The following RGS6 variants were observed in gnomAD, a reference collection of about 807,000 sequenced individuals.
The protein encoded by RGS6 is regulator of G protein signaling 6, also known as regulator of G-protein signaling 6.
A neutral mutation model predicts 78.5 loss-of-function variants in RGS6; 30 were observed. The ratio of observed to expected loss-of-function variants is 0.38; its 90% CI spans 0.29 to 0.52. The LOEUF (loss-of-function observed/expected upper bound fraction) is 0.52. Among genes scored for constraint, RGS6 ranks in the 20% least tolerant of loss-of-function variants. The pLI, the probability that RGS6 is intolerant of heterozygous loss-of-function variation, is 0.85. For synonymous variants in RGS6, 206 were observed against 206.0 expected (o/e 1.00, Z 0.00); for missense variants, 495 against 609.7 (o/e 0.81, Z 1.98).
chr14:71,904,602 C>G, the RGS6 span, among the ~76,000 whole-genome samples: 1 of 152,242 alleles, frequency 6.6e-6, no homozygotes. Context: ...ACCAGCTCTA[C>G]TGCTATACTT....
chr14:71,985,591 G>A (rs1212368631), intron 2 of RGS6, among the ~76,000 whole-genome samples: 2 of 152,044 alleles, frequency 1.3e-5, no homozygotes, highest in East Asian at 3.8e-4. Context: ...ATTGATTTTG[G>A]CATATATAGA....
At chr14:72,334,784 C>A (rs1409957218) in intron 2 of RGS6, among the ~76,000 whole-genome samples, 1 of 152,044 alleles carries the variant, frequency 6.6e-6, no homozygotes, top group African/African-American at 2.4e-5. Context: ...TAGAGGGACT[C>A]CCCTCCCTCC....
At chr14:72,014,114 G>T (rs1045258687) in intron 2 of RGS6, among the ~76,000 whole-genome samples, 1 of 152,184 alleles carries the variant, frequency 6.6e-6, no homozygotes, top group African/African-American at 2.4e-5. Flanking sequence ...GCCTTGTGTT[G>T]AATGACATGC....
At position 72,565,266 on chromosome 14, in the gene RGS6, T is replaced by C. The variant is rs1484088463; in HGVS notation, c.*2799T>C. On this transcript the variant is annotated 3_prime_UTR_variant, in exon 18 of 18. Coordinates refer to ENST00000553525, the MANE Select transcript of RGS6 (RefSeq NM_001204424.2). ...TCTTGGCAGCCCCACAACCACAGCATCAGGGCAGCTGCAGCAAGTGACCAC... is the reference window on the plus strand; with the variant it reads ...TCTTGGCAGCCCCACAACCACAGCACCAGGGCAGCTGCAGCAAGTGACCAC... The C allele has an allele frequency of 1.3e-5, 2 of 152,348 alleles. No homozygotes were observed. Among genetic ancestry groups the C allele is most frequent in the African/African-American group, 4.8e-5 (2 of 41,432 alleles). 9.4% of individuals were successfully genotyped at this position (152,348 alleles called of 1,614,324 possible).
intron 3 of RGS6, among the ~76,000 whole-genome samples, chr14:72,432,113 C>T (rs541430769): frequency 6.6e-6 from 1 of 152,326 alleles, no homozygotes; most frequent in Admixed American, 6.5e-5. Context: ...GCAGCCAGGA[C>T]ACTGAATGTG....
At chr14:72,347,014 C>T (rs111538111) in intron 2 of RGS6, among the ~76,000 whole-genome samples, 9 of 152,308 alleles carry the variant, frequency 5.9e-5, no homozygotes, top group East Asian at 3.9e-4. Flanking sequence ...AGGACATTCT[C>T]GTGGCTGTGG....
the RGS6 span, among the ~76,000 whole-genome samples, chr14:72,582,740 T>C: frequency 1.3e-5 from 2 of 152,214 alleles, no homozygotes; most frequent in South Asian, 2.1e-4. Context: ...TGACTAGGTA[T>C]TGGATGAATG....
At chr14:72,113,405 C>CTGTGG in intron 2 of RGS6, among the ~76,000 whole-genome samples, 1 of 152,298 alleles carries the variant, frequency 6.6e-6, no homozygotes, top group East Asian at 1.9e-4. Flanking sequence ...AGCTTTCAAA[C>CTGTGG]TGTGGTGGGT....
intron 1 of RGS6, among the ~76,000 whole-genome samples, chr14:71,943,804 T>G (rs572892939): frequency 2.6e-5 from 4 of 152,194 alleles, no homozygotes; most frequent in Non-Finnish European, 5.9e-5. Context: ...AGGAGTTTGG[T>G]AAATGTTTGC....
rs539587462 is a variant in RGS6, at chr14:72,147,947, T to C, written c.84+183072T>C. Reference sequence around the variant, plus strand: ...GAGATTGAGACCATCCTGGCTAACATGGTGAAACCCCATCTCTACTAAAAA... The same window carrying C: ...GAGATTGAGACCATCCTGGCTAACACGGTGAAACCCCATCTCTACTAAAAA... On this transcript the variant is annotated intron_variant, in intron 2 of 17. Transcript: ENST00000553525. 3.1e-3 allele frequency among the ~76,000 whole-genome samples: 468 copies of C among 152,072 alleles called. 3 individuals carry two copies. The highest frequency in any genetic ancestry group is 0.017 in the Middle Eastern group (5 of 294).
At chr14:72,380,244 C>T (rs1198920439) in intron 3 of RGS6, among the ~76,000 whole-genome samples, 1 of 152,032 alleles carries the variant, frequency 6.6e-6, no homozygotes, top group Non-Finnish European at 1.5e-5. Context: ...AGAAATGCTT[C>T]AGGACATTGG....
Position 72,202,926 on chromosome 14 carries a change from G to A in RGS6, c.85-149169G>A, listed in dbSNP as rs534607714. ...CTCGCTCTGTCGCCCAGGCTGGAGT[G>A]CAGTGGCGCCATCTCTGCTCACTGC... On this transcript the variant is annotated intron_variant, in intron 2 of 17. Transcript: ENST00000553525. Among the ~76,000 whole-genome samples, 9 of 152,154 alleles carry A rather than the reference G, an allele frequency of 5.9e-5. No homozygotes were observed. In the South Asian group the frequency reaches 1.9e-3, roughly 32 times the overall value.
At chr14:72,522,836 T>C (rs926555094) in intron 15 of RGS6, among the ~76,000 whole-genome samples, 54 of 152,314 alleles carry the variant, frequency 3.5e-4, no homozygotes, top group African/African-American at 1.2e-3. Flanking sequence ...TCATGAAAAT[T>C]ATTGAAATGC....
At chr14:72,611,931 G>C in the RGS6 span, among the ~76,000 whole-genome samples, 1 of 152,098 alleles carries the variant, frequency 6.6e-6, no homozygotes, top group Non-Finnish European at 1.5e-5. Flanking sequence ...CTACAATCAC[G>C]ATTGCTTGGC....
chr14:71,901,405 G>A, the RGS6 span, among the ~76,000 whole-genome samples: 3 of 152,204 alleles, frequency 2.0e-5, no homozygotes, highest in African/African-American at 4.8e-5. Flanking sequence ...CTGGTACATG[G>A]CAGGTATATA....
intron 3 of RGS6, among the ~76,000 whole-genome samples, chr14:72,395,033 T>C (rs750569883): frequency 6.6e-6 from 1 of 152,102 alleles, no homozygotes; most frequent in African/African-American, 2.4e-5. Flanking sequence ...ACAATAATTA[T>C]TTATTTTAAA....
chr14:72,572,875 G>T, the RGS6 span, among the ~76,000 whole-genome samples: 1 of 151,970 alleles, frequency 6.6e-6, no homozygotes, highest in Non-Finnish European at 1.5e-5. Context: ...AGGTAAGAGG[G>T]AAGGAGGGAG....
intron 2 of RGS6, among the ~76,000 whole-genome samples, chr14:72,154,509 G>A (rs952955692): frequency 6.6e-6 from 1 of 152,018 alleles, no homozygotes; most frequent in Admixed American, 6.6e-5. Context: ...CCTCTGTTTG[G>A]GGGGGGTCCC....
chr14:72,450,191 G>A (rs2095458579), intron 3 of RGS6, among the ~76,000 whole-genome samples: 1 of 151,596 alleles, frequency 6.6e-6, no homozygotes, highest in Non-Finnish European at 1.5e-5. Flanking sequence ...ATAATTAATA[G>A]AACATAAATA....
Sources: allele counts gnomAD v4.1 joint callset (sites outside exome capture counted in the v4.1 genomes callset), GRCh38; gene constraint gnomAD v4.1.1; transcripts MANE v1.5; gene names NCBI Gene and HGNC (gene_info 2026-07-23, HGNC 2026-07-21).